SEC14L1: variants seen among roughly 807,000 people sequenced by gnomAD.
SEC14L1 encodes SEC14 like lipid binding 1.
A neutral mutation model predicts 85.3 loss-of-function variants in SEC14L1; 48 were observed. The observed-to-expected ratio is 0.56, with a 90% CI of 0.45 to 0.72. The LOEUF is 0.72. Ranked by LOEUF, SEC14L1 falls within the 30% of genes least tolerant of loss-of-function variation. The pLI is 0.00. For missense variants in SEC14L1, 682 were observed against 921.4 expected (o/e 0.74, Z 3.36); for synonymous variants, 391 against 355.5 (o/e 1.10, Z -1.12).
Position 77,214,643 on chromosome 17 carries a change from A to G in SEC14L1, c.*620A>G, listed in dbSNP as rs530559327. On this transcript the variant is annotated 3_prime_UTR_variant, in exon 17 of 17. Transcript: ENST00000436233. ...TGTCCTGCAGTGGGGCCGGGGGCTCAGGAGGGGCTCTCAGGGACTCCTGGT... is the reference window on the plus strand; with the variant it reads ...TGTCCTGCAGTGGGGCCGGGGGCTCGGGAGGGGCTCTCAGGGACTCCTGGT... The G allele has an allele frequency of 6.1e-6, 6 of 985,848 alleles. No homozygotes were observed. The highest frequency in any genetic ancestry group is 6.1e-5 in the Admixed American group (1 of 16,312). 61.1% of individuals were successfully genotyped at this position (985,848 alleles called of 1,614,324 possible).
intron 3 of SEC14L1, among the ~76,000 whole-genome samples, chr17:77,101,121 T>C (rs1349936477): frequency 6.6e-6 from 1 of 151,976 alleles, no homozygotes; most frequent in African/African-American, 2.4e-5. Flanking sequence ...ATTTATTAAT[T>C]ATATCAGGTA....
chr17:77,187,062 G>A (rs983248571), intron 3 of SEC14L1, among the ~76,000 whole-genome samples: 1 of 152,144 alleles, frequency 6.6e-6, no homozygotes, highest in Non-Finnish European at 1.5e-5. Flanking sequence ...GCACTGATAT[G>A]ATGCTCAAAG....
chr17:77,139,963 T>G (rs1972927188), upstream of SEC14L1, among the ~76,000 whole-genome samples: 1 of 152,202 alleles, frequency 6.6e-6, no homozygotes, highest in Non-Finnish European at 1.5e-5. Flanking sequence ...TGGAAATTCC[T>G]AAACAGGTCC....
At chr17:77,127,380 C>T (rs1277448624) in intron 3 of SEC14L1, among the ~76,000 whole-genome samples, 1 of 151,980 alleles carries the variant, frequency 6.6e-6, no homozygotes, top group African/African-American at 2.4e-5. Context: ...GATGGAGTCT[C>T]GCCCTGTCAC....
At chr17:77,105,121 C>T (rs143265650) in intron 3 of SEC14L1, among the ~76,000 whole-genome samples, 12 of 152,142 alleles carry the variant, frequency 7.9e-5, no homozygotes, top group Non-Finnish European at 1.5e-4. Flanking sequence ...GATATGCATC[C>T]GTCTCAGTGA....
intron 3 of SEC14L1, among the ~76,000 whole-genome samples, chr17:77,178,403 C>T (rs1974855740): frequency 6.6e-6 from 1 of 151,926 alleles, no homozygotes; most frequent in South Asian, 2.1e-4. Flanking sequence ...GATGAGTGAC[C>T]TCTCTGTGGA....
At chr17:77,100,318 C>A (rs1383777321) in intron 3 of SEC14L1, among the ~76,000 whole-genome samples, 1 of 152,072 alleles carries the variant, frequency 6.6e-6, no homozygotes, top group Non-Finnish European at 1.5e-5. Flanking sequence ...CAAAAGGTGC[C>A]TACCGCCCTG....
At chr17:77,175,454 T>C (rs1974711170) in intron 3 of SEC14L1, among the ~76,000 whole-genome samples, 1 of 152,210 alleles carries the variant, frequency 6.6e-6, no homozygotes, top group Non-Finnish European at 1.5e-5. Flanking sequence ...CGTTACAGGT[T>C]CATAACTCAG....
chr17:77,209,602 CTT>C (rs1470492076), intron 14 of SEC14L1, 126 bp downstream of exon 14: 1 of 945,096 alleles, frequency 1.1e-6, no homozygotes, highest in African/African-American at 1.7e-5. Flanking sequence ...TGTCTTTAGG[CTT>C]TTGTTGACAC....
At chr17:77,193,991 A>G (rs1216025919) in intron 6 of SEC14L1, among the ~76,000 whole-genome samples, 2 of 152,192 alleles carry the variant, frequency 1.3e-5, no homozygotes, top group Non-Finnish European at 2.9e-5. Flanking sequence ...TGGTTTTGAA[A>G]TCTATCCGTG....
rs1976487757 is a variant in SEC14L1, at chr17:77,206,860, A to G, written c.1474A>G (p.Met492Val). The change falls in exon 13 of 17, where the codon ATG (methionine) becomes GTG (valine). Residue 492 changes from methionine to valine, a missense_variant and splice_region_variant. By Grantham distance (21) the Met-to-Val change is conservative (BLOSUM62 1). Transcript: ENST00000436233. The surrounding 1 kb of genome is among the most constrained non-coding windows in gnomAD (Gnocchi z 4.3). The part of the protein sequence containing the change: ...IIPDFLSGEC[M>V]CEVPEGGLVP... ...TCCAGATTTCCTGAGTGGGGAGTGC[A>G]TGGTATGTCCTGAGGCGAGGAACTG... 1.2e-6 allele frequency: 2 copies of G among 1,601,060 alleles called. No individual in the cohort carries two copies. The highest frequency in any genetic ancestry group is 8.5e-7 in the Non-Finnish European group (1 of 1,174,546).
chr17:77,175,517 C>G (rs2143708244), intron 3 of SEC14L1, among the ~76,000 whole-genome samples: 2 of 152,332 alleles, frequency 1.3e-5, no homozygotes, highest in South Asian at 4.1e-4. Context: ...CTGTGTTTGC[C>G]TAGGCATGGA....
At chr17:77,180,057 TGTTA>T (rs1974951596) in intron 3 of SEC14L1, among the ~76,000 whole-genome samples, 2 of 60,380 alleles carry the variant, frequency 3.3e-5, no homozygotes, top group Admixed American at 3.9e-4. Flanking sequence ...TGTTATGTTA[TGTTA>T]TGTTATGTTA....
chr17:77,194,752 C>A lies in SEC14L1; in HGVS notation c.550C>A (p.Pro184Thr), dbSNP rs1172692532. 1.2e-6 allele frequency: 2 copies of A among 1,614,094 alleles called. No homozygotes were observed. The highest frequency in any genetic ancestry group is 2.2e-5 in the South Asian group (2 of 91,086). ...GITFVPRWSPPSITTSSETSS... is the reference protein window; with the variant it reads ...GITFVPRWSPTSITTSSETSS... ...AACCTTTGTGCCCCGTTGGAGTCCGCCTTCCATCACGACCTCTTCAGAGAC... is the reference window on the plus strand; with the variant it reads ...AACCTTTGTGCCCCGTTGGAGTCCGACTTCCATCACGACCTCTTCAGAGAC... Residue 184 changes from proline to threonine, a missense_variant, in exon 7 of 17, where the codon CCT becomes ACT. Pro to Thr is a conservative substitution (Grantham distance 38). Transcript: ENST00000436233.
In SEC14L1 at chr17:77,106,707, G is replaced by A. The variant is rs185213542; in HGVS notation, c.-136+13360G>A. ...ATAAATTAGCTGGGTGTGGTGGCCC[G>A]CACCTGTGGTCCCAGCTACTCAGGA... On this transcript the variant is annotated intron_variant, in intron 3 of 19. Coordinates refer to the SEC14L1 transcript ENST00000392476. Among the ~76,000 whole-genome samples, 155 of 151,992 alleles carry A rather than the reference G, an allele frequency of 1.0e-3. 1 individual carries two copies. In the South Asian group the frequency reaches 0.013, roughly 13 times the overall value.
At position 77,194,122 on chromosome 17, in the gene SEC14L1, A is replaced by G. The variant is rs568490318; in HGVS notation, c.475-555A>G. The stretch of plus-strand genomic sequence containing the variant: ...CCTAAATCAGCATTTTAAAATAGTC[A>G]TATAAAAATTCCATCTCATTAGATA... On this transcript the variant is annotated intron_variant, in intron 6 of 16. Coordinates refer to ENST00000436233, the MANE Select transcript of SEC14L1 (RefSeq NM_001143998.2). Among the ~76,000 whole-genome samples, 6 of 152,388 alleles carry G rather than the reference A, an allele frequency of 3.9e-5. No homozygotes were observed. The South Asian group carries it at 6.2e-4, about 16-fold the overall frequency.
intron 3 of SEC14L1, among the ~76,000 whole-genome samples, chr17:77,120,531 C>T (rs1457616311): frequency 2.0e-5 from 3 of 151,662 alleles, no homozygotes; most frequent in Non-Finnish European, 2.9e-5. Context: ...GGCTGGAGTG[C>T]GGTGGCACGA....
Position 77,211,927 on chromosome 17 carries a change from G to A in SEC14L1, c.1612-23G>A, listed in dbSNP as rs1976773104. The A allele has an allele frequency of 3.1e-6, 5 of 1,610,762 alleles. No individual in the cohort carries two copies. In the East Asian group the frequency reaches 6.7e-5, roughly 22 times the overall value. On this transcript the variant is annotated intron_variant, in intron 14 of 16. Coordinates refer to ENST00000436233, the MANE Select transcript of SEC14L1 (RefSeq NM_001143998.2). ...GGCCTGGTGCTCGTGGATCGTGGCTGCCTAACGCTGCCTCTTTTTCAGATT... is the reference window on the plus strand; with the variant it reads ...GGCCTGGTGCTCGTGGATCGTGGCTACCTAACGCTGCCTCTTTTTCAGATT...
Position 77,147,538 on chromosome 17 carries a change from G to A in SEC14L1, c.63+3879G>A, listed in dbSNP as rs150866636. ...TTCAGCGAGTTGGAGCAATCACCTA[G>A]CTCAACCCTCCCTTGGAGGGCGGGG... On this transcript the variant is annotated intron_variant, in intron 3 of 16. Transcript: ENST00000436233. 7.1e-3 allele frequency among the ~76,000 whole-genome samples: 1,079 copies of A among 152,234 alleles called. 24 individuals are homozygous for A. The highest frequency in any genetic ancestry group is 0.039 in the Admixed American group (591 of 15,282).
Sources: allele counts gnomAD v4.1 joint callset (sites outside exome capture counted in the v4.1 genomes callset), GRCh38; gene constraint gnomAD v4.1.1; non-coding constraint Gnocchi (gnomAD v3.1); transcripts MANE v1.5; gene names NCBI Gene and HGNC (gene_info 2026-07-23, HGNC 2026-07-21).